The following DHRS7B variants were observed in gnomAD, a reference collection of about 807,000 sequenced individuals.
DHRS7B encodes peroxisomal reductase activating PPAR-gamma.
Under a neutral mutation model 26.4 loss-of-function variants are expected in DHRS7B, and 24 were observed. The observed-to-expected ratio is 0.91, with a 90% confidence interval of 0.66 to 1.28. DHRS7B has a LOEUF of 1.28. Among genes scored for constraint, DHRS7B ranks in the 50% most tolerant of loss-of-function variants. The pLI is 0.00. For synonymous variants in DHRS7B, 142 were observed against 166.4 expected, an observed-to-expected ratio of 0.85 and a Z score of 1.13; for missense variants, 368 against 419.4, an observed-to-expected ratio of 0.88 and a Z score of 1.07.
At chr17:21,151,481 C>A (rs1240932768) in intron 1 of DHRS7B, among the ~76,000 whole-genome samples, 5 of 150,144 alleles carry the variant, frequency 3.3e-5, no homozygotes, top group African/African-American at 1.2e-4. Context: ...CCACTGCACT[C>A]CAGCCTGGAT....
chr17:21,189,555 G>A (rs1272615572), intron 6 of DHRS7B, among the ~76,000 whole-genome samples: 1 of 152,210 alleles, frequency 6.6e-6, no homozygotes, highest in East Asian at 1.9e-4. Context: ...GTGAGCTCTT[G>A]GGGTTTGTGC....
chr17:21,138,101 T>TACACACACACACACACACAC (rs370861401), intron 1 of DHRS7B, among the ~76,000 whole-genome samples: 8 of 86,108 alleles, frequency 9.3e-5, no homozygotes, highest in Admixed American at 2.8e-4. Context: ...TATATATATA[T>TACACACACACACACACACAC]ACACACACAC....
chr17:21,151,624 C>G (rs1025590555), intron 1 of DHRS7B, among the ~76,000 whole-genome samples: 1 of 151,940 alleles, frequency 6.6e-6, no homozygotes, highest in Non-Finnish European at 1.5e-5. Context: ...ATACCGCACA[C>G]AGTTGCCCCC....
At chr17:21,187,811 G>GT (rs1044010059) in intron 5 of DHRS7B, among the ~76,000 whole-genome samples, 29 of 144,900 alleles carry the variant, frequency 2.0e-4, no homozygotes, top group Admixed American at 7.8e-4. Flanking sequence ...TAGTCATTCA[G>GT]TTTTTTTTGT....
intron 1 of DHRS7B, among the ~76,000 whole-genome samples, chr17:21,165,754 A>G (rs968219343): frequency 6.6e-6 from 1 of 152,042 alleles, no homozygotes; most frequent in South Asian, 2.1e-4. Context: ...CGTCTCTACT[A>G]AAAATACAAA....
At chr17:21,174,942 TTGGGGCGC>T (rs1254880692) in intron 2 of DHRS7B, among the ~76,000 whole-genome samples, 2 of 152,086 alleles carry the variant, frequency 1.3e-5, no homozygotes, top group African/African-American at 4.8e-5. Flanking sequence ...GGAGGCAGGG[TTGGGGCGC>T]TGGGACCAGG....
Position 21,134,656 on chromosome 17 carries a change from AAC to A in DHRS7B, c.20+7669_20+7670del, listed in dbSNP as rs928446467. On this transcript the variant is annotated intron_variant, in intron 1 of 6. Transcript: ENST00000395511. ...CCAATTGTGTCCTGCTACAAATGAAAACACAGTCTTACAGCACTGATGCAAAT... is the reference window on the plus strand; with the variant it reads ...CCAATTGTGTCCTGCTACAAATGAAAACAGTCTTACAGCACTGATGCAAAT... Among the ~76,000 whole-genome samples, 8 of 152,356 alleles carry A rather than the reference AAC, an allele frequency of 5.3e-5. 1 individual carries two copies. Among genetic ancestry groups the A allele is most frequent in the Middle Eastern group, 6.8e-3 (2 of 294 alleles).
chr17:21,190,352 A>T (rs1974748635), intron 6 of DHRS7B, among the ~76,000 whole-genome samples: 2 of 152,164 alleles, frequency 1.3e-5, no homozygotes, highest in Admixed American at 6.5e-5. Flanking sequence ...AAACAAACTA[A>T]GGACTTCTTC....
At chr17:21,178,728 G>A (rs969626351) in intron 3 of DHRS7B, among the ~76,000 whole-genome samples, 4 of 148,066 alleles carry the variant, frequency 2.7e-5, no homozygotes, top group Admixed American at 6.8e-5. Flanking sequence ...GCCCAATCTC[G>A]GTTCACTGCA....
At chr17:21,137,603 A>C (rs1029052353) in intron 1 of DHRS7B, among the ~76,000 whole-genome samples, 2 of 152,026 alleles carry the variant, frequency 1.3e-5, no homozygotes, top group South Asian at 2.1e-4. Context: ...GATTAGAGGC[A>C]TGTGCCACCA....
intron 1 of DHRS7B, among the ~76,000 whole-genome samples, chr17:21,136,021 G>A (rs117739952): frequency 0.035 from 5,327 of 152,188 alleles, 130 homozygotes; most frequent in Non-Finnish European, 0.053. Context: ...AAGACTGGCC[G>A]GGGATGGTGA....
chr17:21,159,587 T>C (rs1973956186), intron 1 of DHRS7B, among the ~76,000 whole-genome samples: 1 of 151,928 alleles, frequency 6.6e-6, no homozygotes, highest in Non-Finnish European at 1.5e-5. Context: ...TAAAGGACTG[T>C]TATCAGTTGG....
At chr17:21,182,501 G>A (rs955586090) in intron 3 of DHRS7B, among the ~76,000 whole-genome samples, 27 of 152,174 alleles carry the variant, frequency 1.8e-4, no homozygotes, top group Middle Eastern at 3.4e-3. Flanking sequence ...CACCCACCTC[G>A]GCCTCCCAAA....
chr17:21,129,337 C>T (rs1973175328), intron 1 of DHRS7B, among the ~76,000 whole-genome samples: 1 of 151,854 alleles, frequency 6.6e-6, no homozygotes, highest in Admixed American at 6.6e-5. Context: ...TTAAATTGGA[C>T]AAAGAGCTAA....
intron 1 of DHRS7B, among the ~76,000 whole-genome samples, chr17:21,151,982 C>T (rs928299920): frequency 6.6e-6 from 1 of 152,124 alleles, no homozygotes; most frequent in Non-Finnish European, 1.5e-5. Context: ...CCCTTGTTCT[C>T]TCTCGCTCCC....
Position 21,188,777 on chromosome 17 carries a change from A to G in DHRS7B, c.686A>G (p.Glu229Gly). 6.2e-7 allele frequency: 1 copy of G among 1,614,060 alleles called. No homozygotes were observed. Among genetic ancestry groups the G allele is most frequent in the Non-Finnish European group, 8.5e-7 (1 of 1,180,004 alleles). ...CTGCGTGCCGAGATGGAACAGTATGAAATTGAGGTGACCGTCATCAGCCCC... is the reference window on the plus strand; with the variant it reads ...CTGCGTGCCGAGATGGAACAGTATGGAATTGAGGTGACCGTCATCAGCCCC... ...DCLRAEMEQY[E>G]IEVTVISPGY... Residue 229 changes from glutamate to glycine, a missense_variant, in exon 6 of 7, where the codon GAA (glutamate) becomes GGA (glycine). Coordinates refer to ENST00000395511, the MANE Select transcript of DHRS7B (RefSeq NM_015510.5).
rs1227310671 is a variant in DHRS7B, at chr17:21,172,252, G to A, written c.199+56G>A. ...CGGGGGTAAGTCAGCCAGGGATGAG[G>A]AGCGGCCCAGCTGCACAGGGACCAC... On this transcript the variant is annotated intron_variant, in intron 2 of 6. Transcript: ENST00000395511. The A allele has an allele frequency of 3.9e-6, 6 of 1,556,012 alleles. No individual in the cohort carries two copies. The African/African-American group carries it at 8.2e-5, about 21-fold the overall frequency.
chr17:21,153,851 T>A (rs898974734), intron 1 of DHRS7B, among the ~76,000 whole-genome samples: 4 of 151,972 alleles, frequency 2.6e-5, no homozygotes, highest in Non-Finnish European at 5.9e-5. Context: ...AGTTTCAACA[T>A]GAATTTTAAA....
intron 1 of DHRS7B, among the ~76,000 whole-genome samples, chr17:21,147,043 G>T (rs1386946011): frequency 6.6e-6 from 1 of 152,132 alleles, no homozygotes; most frequent in East Asian, 1.9e-4. Flanking sequence ...GATTATTTCA[G>T]AGACATAATT....
Sources: allele counts gnomAD v4.1 joint callset (sites outside exome capture counted in the v4.1 genomes callset), GRCh38; gene constraint gnomAD v4.1.1; transcripts MANE v1.5; gene names NCBI Gene and HGNC (gene_info 2026-07-23, HGNC 2026-07-21).